The following BCAR3 variants were observed in gnomAD, a reference collection of about 807,000 sequenced individuals.
BCAR3 encodes breast cancer anti-estrogen resistance protein 3.
A neutral mutation model predicts 80.1 loss-of-function variants in BCAR3; 37 were observed. The observed-to-expected ratio is 0.46, with a 90% CI of 0.36 to 0.61. The LOEUF (loss-of-function observed/expected upper bound fraction) is 0.61. BCAR3 is among the 20% of genes least tolerant of loss of function. The pLI, the probability that BCAR3 is intolerant of heterozygous loss-of-function variation, is 0.00. For synonymous variants in BCAR3, 389 were observed against 418.9 expected (o/e 0.93, Z 0.87); for missense variants, 978 against 1,068.2 (o/e 0.92, Z 1.18).
At chr1:93,718,172 G>A (rs1291943888) in intron 2 of BCAR3, among the ~76,000 whole-genome samples, 1 of 152,206 alleles carries the variant, frequency 6.6e-6, no homozygotes, top group Non-Finnish European at 1.5e-5. Context: ...ATCAGAGGAT[G>A]AGGAGAAGTT....
chr1:93,582,365 T>A lies in BCAR3; in HGVS notation c.1622A>T (p.Lys541Ile). 2 of 1,614,180 alleles carry A rather than the reference T, an allele frequency of 1.2e-6. No homozygotes were observed. Among genetic ancestry groups the A allele is most frequent in the Non-Finnish European group, 1.7e-6 (2 of 1,180,034 alleles). ...PLETAMLKRA[K>I]ELFTNNDPKV... is the part of the protein sequence containing the mutation. ...GGGGTCGTTGTTGGTGAACAGTTCT[T>A]TTGCACGTTTCAACATTGCTGTTTC... is the stretch of plus-strand genomic sequence containing the variant. Residue 541 changes from lysine (K) to isoleucine (I), a missense_variant, in exon 7 of 12, where the codon AAA becomes ATA. Physicochemically the swap from Lys to Ile is moderately radical, Grantham distance 102. Coordinates refer to ENST00000260502, the MANE Select transcript of BCAR3 (RefSeq NM_003567.4).
intron 2 of BCAR3, among the ~76,000 whole-genome samples, chr1:93,782,705 C>T (rs558525910): frequency 6.6e-6 from 1 of 152,296 alleles, no homozygotes; most frequent in East Asian, 1.9e-4. Flanking sequence ...GATAAAACCC[C>T]AAAATGCTGC....
chr1:93,810,979 A>G (rs1653821935), intron 2 of BCAR3, among the ~76,000 whole-genome samples: 1 of 152,210 alleles, frequency 6.6e-6, no homozygotes, highest in African/African-American at 2.4e-5. Context: ...CTCTACCAGA[A>G]TTTTTGAAGG....
chr1:93,630,413 C>T (rs1344135181), intron 3 of BCAR3, among the ~76,000 whole-genome samples: 1 of 151,132 alleles, frequency 6.6e-6, no homozygotes, highest in Non-Finnish European at 1.5e-5. Context: ...CACTTGAGCT[C>T]ACAAGTTTGA....
intron 2 of BCAR3, among the ~76,000 whole-genome samples, chr1:93,663,869 G>A (rs1256075909): frequency 4.6e-5 from 7 of 152,248 alleles, no homozygotes; most frequent in Admixed American, 4.6e-4. Flanking sequence ...CTATCTGGAT[G>A]GCCACATACC....
intron 2 of BCAR3, among the ~76,000 whole-genome samples, chr1:93,796,336 A>T (rs1251749856): frequency 7.1e-6 from 1 of 141,642 alleles, no homozygotes; most frequent in Admixed American, 7.0e-5. Flanking sequence ...CCTCTGAGCC[A>T]GGTGTGGGAT....
At chr1:93,779,107 T>C (rs1191546494) in intron 2 of BCAR3, among the ~76,000 whole-genome samples, 3 of 152,208 alleles carry the variant, frequency 2.0e-5, no homozygotes, top group African/African-American at 4.8e-5. Flanking sequence ...AGTCAGAGTT[T>C]ATTGTCTAAA....
rs373585180 is a variant in BCAR3, at chr1:93,562,228, C to G, written c.*13G>C. The G allele has an allele frequency of 1.2e-6, 2 of 1,608,582 alleles. No individual in the cohort carries two copies. Among genetic ancestry groups the G allele is most frequent in the African/African-American group, 1.3e-5 (1 of 74,676 alleles). ...AACTTGAAAAGATATTCTAAAGGTT[C>G]TCTGGAGAGTTATCAAAGCTCTGCC... On this transcript the variant is annotated 3_prime_UTR_variant, in exon 12 of 12. Coordinates refer to ENST00000260502, the MANE Select transcript of BCAR3 (RefSeq NM_003567.4).
intron 1 of BCAR3, among the ~76,000 whole-genome samples, chr1:93,675,975 C>T (rs1648467253): frequency 6.9e-6 from 1 of 144,498 alleles, no homozygotes; most frequent in Non-Finnish European, 1.5e-5. Flanking sequence ...GATAGAGGCT[C>T]CAGGATCTGT....
intron 1 of BCAR3, among the ~76,000 whole-genome samples, chr1:93,679,811 G>C (rs749394334): frequency 2.0e-5 from 3 of 152,218 alleles, no homozygotes; most frequent in Non-Finnish European, 2.9e-5. Context: ...CTGAGGCAGA[G>C]ATAAGCAGCC....
At chr1:93,674,462 G>A (rs1648366993) in intron 2 of BCAR3, 152 bp downstream of exon 2, 5 of 803,608 alleles carry the variant, frequency 6.2e-6, no homozygotes, top group African/African-American at 1.8e-5. Flanking sequence ...CACCATGTTG[G>A]TCTGGTCTCA....
intron 5 of BCAR3, among the ~76,000 whole-genome samples, chr1:93,587,077 T>C (rs1673975999): frequency 6.6e-6 from 1 of 152,204 alleles, no homozygotes; most frequent in Non-Finnish European, 1.5e-5. Context: ...GCCCAGCCCA[T>C]TTGTATGTCT....
At chr1:93,665,749 C>A (rs1647877692) in intron 2 of BCAR3, among the ~76,000 whole-genome samples, 1 of 152,270 alleles carries the variant, frequency 6.6e-6, no homozygotes, top group East Asian at 1.9e-4. Context: ...ACTTAGCAAA[C>A]CCCAAACAGA....
At chr1:93,663,043 G>A (rs1647737625) in intron 2 of BCAR3, among the ~76,000 whole-genome samples, 1 of 152,090 alleles carries the variant, frequency 6.6e-6, no homozygotes, top group South Asian at 2.1e-4. Context: ...ACCTTATCGG[G>A]TGGCATTAGA....
At chr1:93,811,306 G>C (rs995864377) in intron 2 of BCAR3, among the ~76,000 whole-genome samples, 1 of 152,184 alleles carries the variant, frequency 6.6e-6, no homozygotes, top group Non-Finnish European at 1.5e-5. Context: ...TAAGTGGAGA[G>C]GGGTGAATGC....
At chr1:93,656,718 T>C (rs143466994) in intron 2 of BCAR3, among the ~76,000 whole-genome samples, 87 of 152,044 alleles carry the variant, frequency 5.7e-4, no homozygotes, top group African/African-American at 1.8e-3. Context: ...ATCTTCCTGC[T>C]GCAGCCTCCT....
chr1:93,800,691 A>C (rs12404896), intron 2 of BCAR3, among the ~76,000 whole-genome samples: 21,531 of 152,204 alleles, frequency 0.14, 2,485 homozygotes, highest in African/African-American at 0.31. Flanking sequence ...TCTGATTTAT[A>C]ATTTTGAATC....
At chr1:93,744,876 GAAA>G (rs1651302897) in intron 2 of BCAR3, among the ~76,000 whole-genome samples, 1 of 152,204 alleles carries the variant, frequency 6.6e-6, no homozygotes, top group South Asian at 2.1e-4. Flanking sequence ...AACTACAAAT[GAAA>G]GAGATTTGCC....
In BCAR3 at chr1:93,583,290, G is replaced by A. The variant is rs111284387; in HGVS notation, c.1034-337C>T. Among the ~76,000 whole-genome samples, 136 of 152,272 alleles carry A rather than the reference G, an allele frequency of 8.9e-4. 1 individual carries two copies. Among genetic ancestry groups the A allele is most frequent in the African/African-American group, 3.1e-3 (130 of 41,546 alleles). ...TATGAGCGAGGAGGGCATGAATAATGTAATCTTGCCCTAAGAAACAGAAGT... is the reference window on the plus strand; with the variant it reads ...TATGAGCGAGGAGGGCATGAATAATATAATCTTGCCCTAAGAAACAGAAGT... On this transcript the variant is annotated intron_variant, in intron 6 of 11. Transcript: ENST00000260502.
Sources: allele counts gnomAD v4.1 joint callset (sites outside exome capture counted in the v4.1 genomes callset), GRCh38; gene constraint gnomAD v4.1.1; transcripts MANE v1.5; gene names NCBI Gene and HGNC (gene_info 2026-07-23, HGNC 2026-07-21).